Variants in PDE10A observed in about 807,000 individuals in gnomAD.
PDE10A encodes phosphodiesterase 10A.
Under a neutral mutation model 97.7 loss-of-function variants are expected in PDE10A, and 39 were observed. The ratio of observed to expected loss-of-function variants is 0.40; its 90% confidence interval spans 0.31 to 0.52. The LOEUF is 0.52. Among genes scored for constraint, PDE10A ranks in the 20% least tolerant of loss-of-function variants. PDE10A has a pLI of 0.56. For missense variants in PDE10A, 731 were observed against 1,047.8 expected (o/e 0.70, Z 4.17); for synonymous variants, 371 against 376.8 (o/e 0.98, Z 0.18).
chr6:165,470,075 C>T (rs529238118), intron 3 of PDE10A, among the ~76,000 whole-genome samples: 16 of 152,238 alleles, frequency 1.1e-4, no homozygotes, highest in African/African-American at 2.4e-4. Context: ...CCTGAGGCTA[C>T]GTAATTTATA....
intron 18 of PDE10A, among the ~76,000 whole-genome samples, chr6:165,346,302 T>C (rs1456062795): frequency 6.6e-6 from 1 of 152,146 alleles, no homozygotes; most frequent in Non-Finnish European, 1.5e-5. Flanking sequence ...GTGACAGTAG[T>C]GGGACAGGGG....
At chr6:165,615,492 G>T (rs943213772) in intron 1 of PDE10A, among the ~76,000 whole-genome samples, 1 of 152,038 alleles carries the variant, frequency 6.6e-6, no homozygotes, top group Admixed American at 6.5e-5. Context: ...AAGATGATCA[G>T]GTGATGATGA....
At chr6:165,521,867 C>T (rs762179122) in intron 2 of PDE10A, among the ~76,000 whole-genome samples, 1 of 152,174 alleles carries the variant, frequency 6.6e-6, no homozygotes, top group Non-Finnish European at 1.5e-5. Context: ...AAGGTAGCTA[C>T]ACCTGGTGCT....
chr6:165,622,989 G>T (rs1315074927), intron 1 of PDE10A, among the ~76,000 whole-genome samples: 1 of 152,084 alleles, frequency 6.6e-6, no homozygotes, highest in Non-Finnish European at 1.5e-5. Flanking sequence ...TCTTGCAGGT[G>T]ACGCACCTGC....
chr6:165,422,827 T>C (rs1649168776), intron 10 of PDE10A, among the ~76,000 whole-genome samples: 2 of 152,068 alleles, frequency 1.3e-5, no homozygotes, highest in African/African-American at 4.8e-5. Context: ...TGTTAGTAAA[T>C]GATATCTAAG....
At chr6:165,889,205 T>A (rs9365934) in intron 1 of PDE10A, among the ~76,000 whole-genome samples, 38,074 of 152,146 alleles carry the variant, frequency 0.25, 5,624 homozygotes, top group African/African-American at 0.41. Flanking sequence ...GGGATTGATA[T>A]CATGCAGGCT....
chr6:165,428,121 A>T (rs1005049663), intron 10 of PDE10A, among the ~76,000 whole-genome samples: 3 of 152,176 alleles, frequency 2.0e-5, no homozygotes, highest in Admixed American at 2.0e-4. Context: ...ACAAATGGTA[A>T]CAAGAAGGCC....
intron 1 of PDE10A, among the ~76,000 whole-genome samples, chr6:165,815,519 A>C (rs1446364316): frequency 6.6e-6 from 1 of 152,214 alleles, no homozygotes; most frequent in Non-Finnish European, 1.5e-5. Context: ...AGTTACCTGA[A>C]TACCACCCAA....
Position 165,825,145 on chromosome 6 carries a change from CAAAAAAAA to C in PDE10A, c.-615+162376_-615+162383del, listed in dbSNP as rs1199061190. Among the ~76,000 whole-genome samples, 8 of 50,908 alleles carry C rather than the reference CAAAAAAAA, an allele frequency of 1.6e-4. No homozygotes were observed. In the East Asian group the frequency reaches 2.3e-3, roughly 15 times the overall value. 33.4% of individuals were successfully genotyped at this position (50,908 alleles called of 152,430 possible). On this transcript the variant is annotated intron_variant, in intron 1 of 19. Coordinates refer to the PDE10A transcript ENST00000366882. ...CCTGGGCAACAGAAAGACTCCATCT[CAAAAAAAA>C]AAAAAAAAAGAAAAAGAAAAAAAAA...
At chr6:165,816,546 G>A (rs1226539454) in intron 1 of PDE10A, among the ~76,000 whole-genome samples, 2 of 152,200 alleles carry the variant, frequency 1.3e-5, no homozygotes, top group Non-Finnish European at 2.9e-5. Context: ...AAGAACGGGG[G>A]CCTTGCTTCA....
At chr6:165,659,668 G>A (rs73253418) in intron 1 of PDE10A, among the ~76,000 whole-genome samples, 2 of 152,204 alleles carry the variant, frequency 1.3e-5, no homozygotes, top group East Asian at 3.8e-4. Flanking sequence ...TACTGCTCAG[G>A]GCAAGGTGTG....
In PDE10A at chr6:165,868,393, T is replaced by C. The variant is rs546543777; in HGVS notation, c.-615+119136A>G. ...GACTATTATGAACAACTATTTGATATCTAATTCGAAAACCTAGAGGAAATG... is the reference window on the plus strand; with the variant it reads ...GACTATTATGAACAACTATTTGATACCTAATTCGAAAACCTAGAGGAAATG... On this transcript the variant is annotated intron_variant, in intron 1 of 19. Coordinates refer to the PDE10A transcript ENST00000366882. Among the ~76,000 whole-genome samples the C allele has an allele frequency of 1.4e-3, 216 of 151,946 alleles. 2 individuals carry two copies. The highest frequency in any genetic ancestry group is 4.7e-3 in the African/African-American group (194 of 41,528).
At chr6:165,741,269 C>T (rs897434347) in intron 1 of PDE10A, among the ~76,000 whole-genome samples, 1 of 151,940 alleles carries the variant, frequency 6.6e-6, no homozygotes, top group East Asian at 1.9e-4. Flanking sequence ...ATTAATTATG[C>T]CTCATAATTG....
chr6:165,451,664 T>TACTCAATAAATATCTGTTG (rs1791300482), intron 3 of PDE10A, among the ~76,000 whole-genome samples: 2 of 152,214 alleles, frequency 1.3e-5, no homozygotes. Context: ...TTGAGCACTA[T>TACTCAATAAATATCTGTTG]ACTCAATAAA....
At chr6:165,858,923 A>G (rs903303739) in intron 1 of PDE10A, among the ~76,000 whole-genome samples, 1 of 152,232 alleles carries the variant, frequency 6.6e-6, no homozygotes, top group Non-Finnish European at 1.5e-5. Flanking sequence ...GCACTTCTTA[A>G]GTACAGTGAT....
intron 1 of PDE10A, among the ~76,000 whole-genome samples, chr6:165,758,548 AG>A (rs1171323754): frequency 4.6e-5 from 5 of 108,754 alleles, no homozygotes; most frequent in African/African-American, 1.5e-4. Flanking sequence ...AGGAAGAGGA[AG>A]AAGAAGAGGA....
At chr6:165,976,743 A>G (rs534733647) in intron 1 of PDE10A, among the ~76,000 whole-genome samples, 2 of 152,316 alleles carry the variant, frequency 1.3e-5, no homozygotes, top group South Asian at 2.1e-4. Flanking sequence ...ACTCACACAG[A>G]GAGTCACGTC....
chr6:165,883,083 A>T (rs1233932898), intron 1 of PDE10A, among the ~76,000 whole-genome samples: 3 of 152,134 alleles, frequency 2.0e-5, no homozygotes, highest in Admixed American at 6.5e-5. Context: ...TAAAAATACA[A>T]AAATTAGTCG....
chr6:165,965,224 G>A (rs553033520), intron 1 of PDE10A, among the ~76,000 whole-genome samples: 7 of 152,318 alleles, frequency 4.6e-5, no homozygotes, highest in East Asian at 3.9e-4. Context: ...TAGGTGCCCC[G>A]AGGAGAGGGA....
Sources: allele counts gnomAD v4.1 joint callset (sites outside exome capture counted in the v4.1 genomes callset), GRCh38; gene constraint gnomAD v4.1.1; transcripts MANE v1.5; gene names NCBI Gene and HGNC (gene_info 2026-07-23, HGNC 2026-07-21).